CELF2: variants seen among roughly 807,000 people sequenced by gnomAD.
The protein encoded by CELF2 is CUGBP Elav-like family member 2, also known as CUG triplet repeat RNA-binding protein 2.
CELF2 carries 8 observed loss-of-function variants against 62.6 expected under a neutral mutation model. The observed-to-expected ratio is 0.13, with a 90% CI of 0.07 to 0.23. The LOEUF (loss-of-function observed/expected upper bound fraction) is 0.23, where lower values mean the gene tolerates loss of function less well. CELF2 is among the 10% of genes least tolerant of loss of function. The pLI, the probability that CELF2 is intolerant of heterozygous loss-of-function variation, is 1.00. For missense variants in CELF2, 333 were observed against 671.0 expected (o/e 0.50, Z 5.56); for synonymous variants, 258 against 250.0 (o/e 1.03, Z -0.30).
intron 1 of CELF2, among the ~76,000 whole-genome samples, chr10:10,802,988 A>G (rs2054824072): frequency 6.6e-6 from 1 of 152,178 alleles, no homozygotes. Context: ...CTCAAACTGG[A>G]AAGTTAGGCA....
At chr10:10,733,774 C>T in the CELF2 span, among the ~76,000 whole-genome samples, 1 of 152,154 alleles carries the variant, frequency 6.6e-6, no homozygotes, top group Non-Finnish European at 1.5e-5. Flanking sequence ...ACCACCCCCA[C>T]AATTCAATCG....
Position 10,928,636 on chromosome 10 carries a change from A to C in CELF2, c.89+8637A>C, listed in dbSNP as rs2135056552. On this transcript the variant is annotated intron_variant, in intron 2 of 13. Coordinates refer to the CELF2 transcript ENST00000636488. This position sits in a 1 kb window ranked among gnomAD's most constrained non-coding sequence, Gnocchi z 4.8. ...AATATTTACTGTTTACTTTTATAGA[A>C]AGGTTTGCTGACCACTGTTCTATAC... is the stretch of plus-strand genomic sequence containing the variant. Among the ~76,000 whole-genome samples, 1 of 152,256 alleles carries C rather than the reference A, an allele frequency of 6.6e-6. No homozygotes were observed. Among genetic ancestry groups the C allele is most frequent in the South Asian group, 2.1e-4 (1 of 4,820 alleles).
chr10:10,965,747 C>G (rs2050055764), intron 2 of CELF2, among the ~76,000 whole-genome samples: 1 of 152,050 alleles, frequency 6.6e-6, no homozygotes, highest in Non-Finnish European at 1.5e-5. Context: ...GTTAAAAGAC[C>G]TAAAAGAACC....
the CELF2 span, among the ~76,000 whole-genome samples, chr10:10,658,730 A>T: frequency 6.6e-6 from 1 of 152,146 alleles, no homozygotes; most frequent in African/African-American, 2.4e-5. Context: ...AGTCTATTCT[A>T]TGTAGCTCTT....
At chr10:10,909,928 G>A (rs1460033005) in intron 1 of CELF2, among the ~76,000 whole-genome samples, 2 of 152,042 alleles carry the variant, frequency 1.3e-5, no homozygotes, top group Non-Finnish European at 2.9e-5. Context: ...AGTAGGAGGT[G>A]TAGAAATGTG....
At chr10:10,590,626 G>A in the CELF2 span, among the ~76,000 whole-genome samples, 1 of 152,080 alleles carries the variant, frequency 6.6e-6, no homozygotes, top group Non-Finnish European at 1.5e-5. Flanking sequence ...AACTGCTCTG[G>A]ACAGCCCACC....
chr10:10,691,133 T>C, the CELF2 span, among the ~76,000 whole-genome samples: 1 of 151,878 alleles, frequency 6.6e-6, no homozygotes, highest in Admixed American at 6.6e-5. Flanking sequence ...ATTAGGTATA[T>C]CTCCCAGTGC....
the CELF2 span, among the ~76,000 whole-genome samples, chr10:10,741,971 A>G: frequency 6.6e-6 from 1 of 152,084 alleles, no homozygotes; most frequent in African/African-American, 2.4e-5. Context: ...TAAGTAAGAG[A>G]TGTTCCTTCT....
the CELF2 span, among the ~76,000 whole-genome samples, chr10:10,470,466 C>T: frequency 6.6e-6 from 1 of 151,672 alleles, no homozygotes; most frequent in Non-Finnish European, 1.5e-5. Context: ...GAGAAGGATC[C>T]ATTTTCTTAG....
At chr10:10,981,055 C>A (rs2052038258) in intron 2 of CELF2, among the ~76,000 whole-genome samples, 1 of 152,216 alleles carries the variant, frequency 6.6e-6, no homozygotes, top group African/African-American at 2.4e-5. Context: ...GCATTAGGGG[C>A]TCCAGAGAGA....
chr10:10,534,994 T>C, the CELF2 span, among the ~76,000 whole-genome samples: 1 of 152,160 alleles, frequency 6.6e-6, no homozygotes, highest in Admixed American at 6.5e-5. Context: ...AAAAATGAAT[T>C]TTCTGTCATT....
chr10:11,272,006 C>T (rs1476973109), intron 7 of CELF2, among the ~76,000 whole-genome samples: 2 of 152,224 alleles, frequency 1.3e-5, no homozygotes, highest in African/African-American at 4.8e-5. Flanking sequence ...GCTGGCCATA[C>T]TGCCTCTTTG....
At chr10:10,747,619 G>T in the CELF2 span, among the ~76,000 whole-genome samples, 1 of 152,138 alleles carries the variant, frequency 6.6e-6, no homozygotes, top group African/African-American at 2.4e-5. Flanking sequence ...GGAAAATACT[G>T]GCATAATCAC....
chr10:11,055,089 T>A (rs2064928060), intron 1 of CELF2, among the ~76,000 whole-genome samples: 1 of 152,264 alleles, frequency 6.6e-6, no homozygotes, highest in African/African-American at 2.4e-5. Context: ...GATGTTACTG[T>A]AATGCTCATA....
intron 1 of CELF2, among the ~76,000 whole-genome samples, chr10:10,907,276 G>T (rs1485986391): frequency 6.6e-6 from 1 of 152,122 alleles, no homozygotes; most frequent in Non-Finnish European, 1.5e-5. Flanking sequence ...ATTTTTTAAA[G>T]TATGTTTCAT....
chr10:11,148,033 C>T (rs767554202), intron 1 of CELF2, among the ~76,000 whole-genome samples: 14 of 152,182 alleles, frequency 9.2e-5, no homozygotes, highest in African/African-American at 1.9e-4. Context: ...CATTAAAGTA[C>T]GAGAGCGCTG....
At chr10:10,588,745 C>T in the CELF2 span, among the ~76,000 whole-genome samples, 1 of 152,174 alleles carries the variant, frequency 6.6e-6, no homozygotes, top group Admixed American at 6.6e-5. Context: ...TACAGCAAAG[C>T]CATTAATTGA....
rs1218888777 is a variant in CELF2 at position 11,243,902 on chromosome 10, T to C, written c.355-5251T>C. On this transcript the variant is annotated intron_variant, in intron 3 of 12. Coordinates refer to ENST00000633077, the MANE Select transcript of CELF2 (RefSeq NM_001326342.2). This position sits in a 1 kb window ranked among gnomAD's most constrained non-coding sequence, Gnocchi z 4.1. ...AATTCTGGAAGATCGTGTACTCCCT[T>C]GTCATAGACAGAGGAAGGAGGTGGC... 6.6e-6 allele frequency among the ~76,000 whole-genome samples: 1 copy of C among 152,204 alleles called. No individual in the cohort carries two copies. The highest frequency in any genetic ancestry group is 2.4e-5 in the African/African-American group (1 of 41,450).
the CELF2 span, among the ~76,000 whole-genome samples, chr10:10,696,769 G>A: frequency 2.6e-5 from 4 of 152,166 alleles, no homozygotes; most frequent in African/African-American, 9.7e-5. Flanking sequence ...CGATTTTCCA[G>A]GTGCCGTCCG....
Sources: allele counts gnomAD v4.1 joint callset (sites outside exome capture counted in the v4.1 genomes callset), GRCh38; gene constraint gnomAD v4.1.1; non-coding constraint Gnocchi (gnomAD v3.1); transcripts MANE v1.5; gene names NCBI Gene and HGNC (gene_info 2026-07-23, HGNC 2026-07-21).